Variants in TMEM138 observed in about 807,000 individuals in gnomAD.
TMEM138 encodes the protein transmembrane protein 138.
TMEM138 carries 9 observed loss-of-function variants against 18.1 expected under a neutral mutation model. That is an observed-to-expected ratio of 0.50 (90% confidence interval 0.30 to 0.87). The LOEUF is 0.87. TMEM138 is among the 40% of genes least tolerant of loss of function. The pLI, the probability that TMEM138 is intolerant of heterozygous loss-of-function variation, is 0.06. For missense variants in TMEM138, 189 were observed against 190.6 expected, an observed-to-expected ratio of 0.99 and a Z score of 0.05; for synonymous variants, 79 against 74.8, an observed-to-expected ratio of 1.06 and a Z score of -0.29.
chr11:61,373,052 T>A (rs914722124), downstream of TMEM138, among the ~76,000 whole-genome samples: 5 of 152,186 alleles, frequency 3.3e-5, no homozygotes, highest in African/African-American at 4.8e-5. Context: ...GGGCTTTGAT[T>A]CCTGGGTCTA....
Position 61,369,065 on chromosome 11 carries a change from A to G in TMEM138, c.*356A>G, listed in dbSNP as rs1223891593. Reference sequence around the variant, plus strand: ...GGACAGAAGGACCTCCCAGCCCCCAAAGGATCTCCCAGTGACCAAAGGATG... The same window carrying G: ...GGACAGAAGGACCTCCCAGCCCCCAGAGGATCTCCCAGTGACCAAAGGATG... On this transcript the variant is annotated 3_prime_UTR_variant, in exon 5 of 5. Transcript: ENST00000278826. 12 of 229,748 alleles carry G rather than the reference A, an allele frequency of 5.2e-5. No homozygotes were observed. Among genetic ancestry groups the G allele is most frequent in the Admixed American group, 4.5e-4 (9 of 19,952 alleles). 14.2% of individuals were successfully genotyped at this position (229,748 alleles called of 1,614,324 possible). A position where few individuals can be genotyped will look rare whatever the true frequency, so the allele number is the denominator to read the frequency against.
downstream of TMEM138, among the ~76,000 whole-genome samples, chr11:61,376,544 C>A (rs1858438270): frequency 6.6e-6 from 1 of 151,580 alleles, no homozygotes; most frequent in African/African-American, 2.4e-5. Flanking sequence ...CCATTTTTTT[C>A]CAATTTGGAG....
chr11:61,369,017 T>A lies in TMEM138; in HGVS notation c.*308T>A, dbSNP rs552940910. Reference sequence around the variant, plus strand: ...CCGAGGGTTCTGTGGCTCTTACCCTTGTGAAGCTTTTCCTTTAGCCTGGGA... The same window carrying A: ...CCGAGGGTTCTGTGGCTCTTACCCTAGTGAAGCTTTTCCTTTAGCCTGGGA... On this transcript the variant is annotated 3_prime_UTR_variant, in exon 5 of 5. Coordinates refer to ENST00000278826, the MANE Select transcript of TMEM138 (RefSeq NM_016464.5). 9.7e-6 allele frequency: 3 copies of A among 309,284 alleles called. No homozygotes were observed. The highest frequency in any genetic ancestry group is 1.9e-5 in the Non-Finnish European group (3 of 161,254). 19.2% of individuals were successfully genotyped at this position (309,284 alleles called of 1,614,324 possible).
downstream of TMEM138, among the ~76,000 whole-genome samples, chr11:61,376,829 G>T (rs929856614): frequency 6.6e-6 from 1 of 151,960 alleles, no homozygotes; most frequent in Admixed American, 6.6e-5. Flanking sequence ...GGACCTACTC[G>T]TCTAGAAATA....
intron 2 of TMEM138, 89 bp downstream of exon 2, chr11:61,364,607 G>C (rs1054453048): frequency 6.4e-7 from 1 of 1,553,162 alleles, no homozygotes; most frequent in Non-Finnish European, 8.7e-7. Flanking sequence ...GTTATTAGTA[G>C]GCTGGGTACG....
chr11:61,367,955 A>T lies in TMEM138; in HGVS notation c.333A>T (p.Ile111=). Residue 111 remains isoleucine (I), a synonymous_variant, in exon 4 of 5, where the codon ATA becomes ATT. Transcript: ENST00000278826. ...GCTGGAAAAACTCCAACAGCTTCAT[A>T]TGGACAGATGGACTTCAAATGCTGT... The part of the protein sequence containing the change: ...NLRWKNSNSF[I]WTDGLQMLFV... 6.2e-7 allele frequency: 1 copy of T among 1,613,706 alleles called. No homozygotes were observed.
intron 2 of TMEM138, 37 bp downstream of exon 2, chr11:61,364,555 C>T (rs781533435): frequency 1.1e-5 from 17 of 1,612,282 alleles, no homozygotes; most frequent in East Asian, 6.7e-5. Context: ...GCTGAACCCA[C>T]GCAATTCAAA....
downstream of TMEM138, among the ~76,000 whole-genome samples, chr11:61,375,811 C>T (rs1273805660): frequency 6.6e-6 from 1 of 152,138 alleles, no homozygotes; most frequent in Non-Finnish European, 1.5e-5. Context: ...GAAAAACTGG[C>T]CCCATACCTT....
At chr11:61,375,746 G>T (rs1044117983), downstream of TMEM138, among the ~76,000 whole-genome samples, 2 of 152,218 alleles carry the variant, frequency 1.3e-5, no homozygotes, top group African/African-American at 2.4e-5. Flanking sequence ...CTGGAATGGT[G>T]TGCTTTCCTT....
At chr11:61,370,057 A>T (rs1359461624), downstream of TMEM138, among the ~76,000 whole-genome samples, 1 of 152,270 alleles carries the variant, frequency 6.6e-6, no homozygotes, top group African/African-American at 2.4e-5. Context: ...ATGCCTGGGC[A>T]TAAGAGACAC....
intron 2 of TMEM138, 39 bp downstream of exon 2, chr11:61,364,557 C>G (rs762122575): frequency 5.6e-6 from 9 of 1,612,064 alleles, no homozygotes; most frequent in Non-Finnish European, 7.6e-6. Context: ...TGAACCCACG[C>G]AATTCAAAGG....
At chr11:61,365,247 T>C (rs1858099587) in intron 2 of TMEM138, among the ~76,000 whole-genome samples, 1 of 152,058 alleles carries the variant, frequency 6.6e-6, no homozygotes, top group Non-Finnish European at 1.5e-5. Context: ...AGACCTTGTT[T>C]CTATTAAAAC....
intron 3 of TMEM138, chr11:61,367,645 C>G: frequency 2.9e-6 from 1 of 346,888 alleles, no homozygotes. Context: ...AGCTGAACTC[C>G]TGAGATAATG....
At chr11:61,374,712 G>A (rs996578734), downstream of TMEM138, among the ~76,000 whole-genome samples, 9 of 152,158 alleles carry the variant, frequency 5.9e-5, no homozygotes, top group African/African-American at 1.9e-4. Flanking sequence ...CACTTTGGGA[G>A]GCCAAGGTGG....
At chr11:61,374,306 C>A (rs571000735), downstream of TMEM138, among the ~76,000 whole-genome samples, 23 of 151,898 alleles carry the variant, frequency 1.5e-4, 1 homozygote, top group South Asian at 4.8e-3. Context: ...CACCACCACA[C>A]CCAGCTAATT....
At position 61,364,305 on chromosome 11, in the gene TMEM138, C is replaced by T; in HGVS notation, c.-86C>T. 3 of 1,524,660 alleles carry T rather than the reference C, an allele frequency of 2.0e-6. No homozygotes were observed. The highest frequency in any genetic ancestry group is 2.7e-6 in the Non-Finnish European group (3 of 1,125,160). The allele number at this position is 1,524,660 out of a possible 1,614,324, so 94.4% of individuals were successfully genotyped here. ...TCTCATTCAAAGGAACTAGAAGCCT[C>T]TCCCTCAGTGGTAGGGAGACAGCCA... On this transcript the variant is annotated 5_prime_UTR_variant, in exon 2 of 5. Coordinates refer to ENST00000278826, the MANE Select transcript of TMEM138 (RefSeq NM_016464.5).
At chr11:61,368,498 T>C in intron 4 of TMEM138, 99 bp from the exon 5 acceptor site, 1 of 744,690 alleles carries the variant, frequency 1.3e-6, no homozygotes, top group Non-Finnish European at 2.3e-6. Flanking sequence ...AGTGCTGGGA[T>C]TACAGGCGTG....
Position 61,368,587 on chromosome 11 carries a change from C to T in TMEM138, c.377-10C>T. 1 of 1,597,298 alleles carries T rather than the reference C, an allele frequency of 6.3e-7. No homozygotes were observed. ...ACCCCTGAGGCTTCTCTTCTGCTTCCTCCCCACAGCAGCAGTGTTGTACTG... is the reference window on the plus strand; with the variant it reads ...ACCCCTGAGGCTTCTCTTCTGCTTCTTCCCCACAGCAGCAGTGTTGTACTG... On this transcript the variant is annotated splice_polypyrimidine_tract_variant and intron_variant, in intron 4 of 4. Coordinates refer to ENST00000278826, the MANE Select transcript of TMEM138 (RefSeq NM_016464.5).
intron 3 of TMEM138, chr11:61,367,639 G>A: frequency 3.0e-6 from 1 of 331,188 alleles, no homozygotes; most frequent in Non-Finnish European, 5.7e-6. Flanking sequence ...GTGACCAGCT[G>A]AACTCCTGAG....
Sources: gnomAD v4.1 joint callset for allele counts (sites outside exome capture counted in the v4.1 genomes callset) on GRCh38, gnomAD v4.1.1 for gene constraint, MANE v1.5 for transcripts, NCBI Gene and HGNC (gene_info 2026-07-23, HGNC 2026-07-21) for gene names.